The following ST8SIA3 variants were observed in gnomAD, a reference collection of about 807,000 sequenced individuals.
The protein encoded by ST8SIA3 is ST8 alpha-N-acetyl-neuraminide alpha-2,8-sialyltransferase 3.
Under a neutral mutation model 34.5 loss-of-function variants are expected in ST8SIA3, and 17 were observed. That is an observed-to-expected ratio of 0.49 (90% CI 0.34 to 0.74). The LOEUF (loss-of-function observed/expected upper bound fraction) is 0.74. ST8SIA3 is among the 30% of genes least tolerant of loss of function. ST8SIA3 has a pLI of 0.01. For missense variants in ST8SIA3, 354 were observed against 467.8 expected (o/e 0.76, Z 2.24); for synonymous variants, 172 against 176.1 (o/e 0.98, Z 0.19).
chr18:57,367,738 A>AT lies in ST8SIA3; in HGVS notation c.*7462dup, dbSNP rs1295445843. 6.6e-6 allele frequency: 1 copy of AT among 152,614 alleles called. No individual in the cohort carries two copies. The highest frequency in any genetic ancestry group is 1.5e-5 in the Non-Finnish European group (1 of 68,052). The allele number at this position is 152,614 out of a possible 1,614,324, so 9.5% of individuals were successfully genotyped here. A position where few individuals can be genotyped will look rare whatever the true frequency, so the allele number is the denominator to read the frequency against. ...TCTAGACCATTTTTTAATATGGAGA[A>AT]TAACTGTACCCCATGTTAGAAGTGC... On this transcript the variant is annotated 3_prime_UTR_variant, in exon 4 of 4. Coordinates refer to ENST00000324000, the MANE Select transcript of ST8SIA3 (RefSeq NM_015879.3).
Position 57,366,299 on chromosome 18 carries a change from G to A in ST8SIA3, c.*6022G>A, listed in dbSNP as rs934393668. 2.6e-5 allele frequency: 4 copies of A among 152,494 alleles called. No individual in the cohort carries two copies. The highest frequency in any genetic ancestry group is 4.4e-5 in the Non-Finnish European group (3 of 68,020). The allele number at this position is 152,494 out of a possible 1,614,324, so 9.4% of individuals were successfully genotyped here. A position where few individuals can be genotyped will look rare whatever the true frequency, so the allele number is the denominator to read the frequency against. ...AGAGCATATTATTGGATCCCAAGGTGTTCAAATATTCCACGTGACTCTTAG... is the reference window on the plus strand; with the variant it reads ...AGAGCATATTATTGGATCCCAAGGTATTCAAATATTCCACGTGACTCTTAG... On this transcript the variant is annotated 3_prime_UTR_variant, in exon 4 of 4. Transcript: ENST00000324000.
In ST8SIA3 at chr18:57,363,559, C is replaced by T. The variant is rs1484235779; in HGVS notation, c.*3282C>T. 2.0e-5 allele frequency: 3 copies of T among 152,238 alleles called. No individual in the cohort carries two copies. Among genetic ancestry groups the T allele is most frequent in the Admixed American group, 6.5e-5 (1 of 15,276 alleles). 9.4% of individuals were successfully genotyped at this position (152,238 alleles called of 1,614,324 possible). A position where few individuals can be genotyped will look rare whatever the true frequency, so the allele number is the denominator to read the frequency against. On this transcript the variant is annotated 3_prime_UTR_variant, in exon 4 of 4. Coordinates refer to ENST00000324000, the MANE Select transcript of ST8SIA3 (RefSeq NM_015879.3). ...CAGCAAGGATGTGCAAAGGAAGAACCGCTGCCCCTGCCCTCAGCTTCCTTA... is the reference window on the plus strand; with the variant it reads ...CAGCAAGGATGTGCAAAGGAAGAACTGCTGCCCCTGCCCTCAGCTTCCTTA...
At chr18:57,358,116 G>A (rs915842880) in intron 3 of ST8SIA3, among the ~76,000 whole-genome samples, 1 of 152,148 alleles carries the variant, frequency 6.6e-6, no homozygotes, top group Non-Finnish European at 1.5e-5. Context: ...AAATACTATT[G>A]TCTAGGCTCT....
chr18:57,359,156 C>T (rs2049815239), intron 3 of ST8SIA3, among the ~76,000 whole-genome samples: 1 of 152,176 alleles, frequency 6.6e-6, no homozygotes, highest in Non-Finnish European at 1.5e-5. Flanking sequence ...AGAAACCTGA[C>T]TAATGCACAG....
rs144612893 is a variant in ST8SIA3, at chr18:57,367,350, C to G, written c.*7073C>G. ...AGCTTGTTTCTCTACATTGAGCAAG[C>G]TACATTTTATTTTAAATGAGTCAGG... On this transcript the variant is annotated 3_prime_UTR_variant, in exon 4 of 4. Coordinates refer to ENST00000324000, the MANE Select transcript of ST8SIA3 (RefSeq NM_015879.3). 6.2e-3 allele frequency: 951 copies of G among 152,624 alleles called. 2 individuals are homozygous for G. The highest frequency in any genetic ancestry group is 9.1e-3 in the Non-Finnish European group (618 of 68,034). The allele number at this position is 152,624 out of a possible 1,614,324, so 9.5% of individuals were successfully genotyped here. A position where few individuals can be genotyped will look rare whatever the true frequency, so the allele number is the denominator to read the frequency against.
At position 57,366,940 on chromosome 18, in the gene ST8SIA3, G is replaced by GT. The variant is rs2144214615; in HGVS notation, c.*6664dup. 6.6e-6 allele frequency: 1 copy of GT among 152,340 alleles called. No individual in the cohort carries two copies. The highest frequency in any genetic ancestry group is 2.1e-4 in the South Asian group (1 of 4,828). 9.4% of individuals were successfully genotyped at this position (152,340 alleles called of 1,614,324 possible). A position where few individuals can be genotyped will look rare whatever the true frequency, so the allele number is the denominator to read the frequency against. ...CAACTGTCCTTTCTCACCACTAGTT[G>GT]TGAGTGTACTTCCAACTGAGTGTTT... On this transcript the variant is annotated 3_prime_UTR_variant, in exon 4 of 4. Transcript: ENST00000324000.
chr18:57,354,293 G>A, intron 1 of ST8SIA3, 109 bp from the exon 2 acceptor site: 1 of 1,418,526 alleles, frequency 7.0e-7, no homozygotes, highest in South Asian at 1.2e-5. Context: ...ACGGAACGGA[G>A]CCCGCACGCG....
intron 3 of ST8SIA3, among the ~76,000 whole-genome samples, chr18:57,357,999 G>A (rs779570242): frequency 2.6e-5 from 4 of 152,160 alleles, no homozygotes; most frequent in Non-Finnish European, 5.9e-5. Context: ...TGAGCATGTT[G>A]TTATCTCTTG....
At chr18:57,356,503 G>C (rs1279222614) in intron 2 of ST8SIA3, among the ~76,000 whole-genome samples, 2 of 152,190 alleles carry the variant, frequency 1.3e-5, no homozygotes, top group African/African-American at 4.8e-5. Context: ...TAGCAAACAA[G>C]TAGACCCTAG....
intron 1 of ST8SIA3, among the ~76,000 whole-genome samples, chr18:57,353,904 G>A (rs1405597488): frequency 1.3e-5 from 2 of 152,224 alleles, no homozygotes; most frequent in Non-Finnish European, 2.9e-5. Context: ...GCCCCCGGGG[G>A]TCCCCAGCCA....
At chr18:57,354,303 G>T in intron 1 of ST8SIA3, 99 bp from the exon 2 acceptor site, 1 of 1,511,896 alleles carries the variant, frequency 6.6e-7, no homozygotes, top group Non-Finnish European at 9.0e-7. Flanking sequence ...GCCCGCACGC[G>T]TACCAGCCGC....
chr18:57,362,407 A>G lies in ST8SIA3; in HGVS notation c.*2130A>G, dbSNP rs2049836716. On this transcript the variant is annotated 3_prime_UTR_variant, in exon 4 of 4. Transcript: ENST00000324000. Reference sequence around the variant, plus strand: ...CCCAATGTGCCCATTCATTTTCACTAAATATAAATGCATAGACACTTTAAA... The same window carrying G: ...CCCAATGTGCCCATTCATTTTCACTGAATATAAATGCATAGACACTTTAAA... The G allele has an allele frequency of 6.6e-6, 1 of 152,240 alleles. No individual in the cohort carries two copies. Among genetic ancestry groups the G allele is most frequent in the South Asian group, 2.1e-4 (1 of 4,832 alleles). 9.4% of individuals were successfully genotyped at this position (152,240 alleles called of 1,614,324 possible). A position where few individuals can be genotyped will look rare whatever the true frequency, so the allele number is the denominator to read the frequency against.
rs1250859463 is a variant in ST8SIA3, at chr18:57,365,742, G to A, written c.*5465G>A. 6.6e-6 allele frequency: 1 copy of A among 152,208 alleles called. No homozygotes were observed. Among genetic ancestry groups the A allele is most frequent in the Non-Finnish European group, 1.5e-5 (1 of 68,034 alleles). The allele number at this position is 152,208 out of a possible 1,614,324, so 9.4% of individuals were successfully genotyped here. A position where few individuals can be genotyped will look rare whatever the true frequency, so the allele number is the denominator to read the frequency against. The stretch of plus-strand genomic sequence containing the variant: ...AGGCTCCAGTTCTAAGACTAACCCA[G>A]TATAACAAGGGTGATCAGTTATTAC... On this transcript the variant is annotated 3_prime_UTR_variant, in exon 4 of 4. Coordinates refer to ENST00000324000, the MANE Select transcript of ST8SIA3 (RefSeq NM_015879.3).
chr18:57,360,046 T>C lies in ST8SIA3; in HGVS notation c.912T>C (p.Leu304=). 3.1e-6 allele frequency: 5 copies of C among 1,614,102 alleles called. No homozygotes were observed. The highest frequency in any genetic ancestry group is 4.2e-6 in the Non-Finnish European group (5 of 1,179,996). ...LSPKRLSTGI[L]MYTLASAICE... ...CTAAACGGCTGAGCACAGGTATTCT[T>C]ATGTACACCCTTGCATCAGCAATAT... The change falls in exon 4 of 4, where the codon CTT becomes CTC. Residue 304 remains leucine (L), a synonymous_variant. Transcript: ENST00000324000.
chr18:57,356,838 T>C (rs2049800318), intron 2 of ST8SIA3, 75 bp from the exon 3 acceptor site: 1 of 946,960 alleles, frequency 1.1e-6, no homozygotes, highest in Non-Finnish European at 1.6e-6. Context: ...CTGAATGAAA[T>C]GTCAGCATAA....
chr18:57,360,219 T>C lies in ST8SIA3; in HGVS notation c.1085T>C (p.Leu362Pro). 6.2e-7 allele frequency: 1 copy of C among 1,614,112 alleles called. No individual in the cohort carries two copies. Among genetic ancestry groups the C allele is most frequent in the Non-Finnish European group, 8.5e-7 (1 of 1,180,014 alleles). ...ESHQLPAEFQ[L>P]LYRMHGEGLT... ...CACCAGCTGCCTGCTGAGTTTCAGC[T>C]GCTGTACCGAATGCATGGGGAAGGG... Residue 362 changes from leucine (L) to proline (P), a missense_variant, in exon 4 of 4, where the codon CTG becomes CCG. Coordinates refer to ENST00000324000, the MANE Select transcript of ST8SIA3 (RefSeq NM_015879.3).
In ST8SIA3 at chr18:57,362,387, T is replaced by A. The variant is rs945088929; in HGVS notation, c.*2110T>A. On this transcript the variant is annotated 3_prime_UTR_variant, in exon 4 of 4. Coordinates refer to ENST00000324000, the MANE Select transcript of ST8SIA3 (RefSeq NM_015879.3). Reference sequence around the variant, plus strand: ...TCTGACTCTGGAGTTTTAATCCCAATGTGCCCATTCATTTTCACTAAATAT... The same window carrying A: ...TCTGACTCTGGAGTTTTAATCCCAAAGTGCCCATTCATTTTCACTAAATAT... 6.6e-6 allele frequency: 1 copy of A among 152,244 alleles called. No homozygotes were observed. Among genetic ancestry groups the A allele is most frequent in the South Asian group, 2.1e-4 (1 of 4,832 alleles). The allele number at this position is 152,244 out of a possible 1,614,324, so 9.4% of individuals were successfully genotyped here.
At chr18:57,359,265 AT>A (rs1286167845) in intron 3 of ST8SIA3, among the ~76,000 whole-genome samples, 1 of 152,222 alleles carries the variant, frequency 6.6e-6, no homozygotes, top group Non-Finnish European at 1.5e-5. Context: ...TATTAATATT[AT>A]TTAAATATGG....
chr18:57,354,289 C>T (rs907479941), intron 1 of ST8SIA3, 113 bp from the exon 2 acceptor site: 6 of 1,381,904 alleles, frequency 4.3e-6, no homozygotes, highest in African/African-American at 2.9e-5. Context: ...CGGGACGGAA[C>T]GGAGCCCGCA....
Sources: allele counts gnomAD v4.1 joint callset (sites outside exome capture counted in the v4.1 genomes callset), GRCh38; gene constraint gnomAD v4.1.1; transcripts MANE v1.5; gene names NCBI Gene and HGNC (gene_info 2026-07-23, HGNC 2026-07-21).